GCNT1: variants seen among roughly 807,000 people sequenced by gnomAD.
GCNT1 encodes beta-1,3-galactosyl-O-glycosyl-glycoprotein beta-1,6-N-acetylglucosaminyltransferase.
A neutral mutation model predicts 26.2 loss-of-function variants in GCNT1; 16 were observed. That is an observed-to-expected ratio of 0.61 (90% confidence interval 0.41 to 0.93). GCNT1 has a LOEUF of 0.93. Ranked by LOEUF, GCNT1 falls within the 40% of genes least tolerant of loss-of-function variation. GCNT1 has a pLI of 0.00. For synonymous variants in GCNT1, 183 were observed against 190.8 expected (o/e 0.96, Z 0.34); for missense variants, 477 against 526.7 (o/e 0.91, Z 0.92).
At chr9:76,394,397 T>G in the GCNT1 span, 18 of 435,788 alleles carry the variant, frequency 4.1e-5, no homozygotes, top group Middle Eastern at 6.3e-4. Flanking sequence ...GCGTCTCCGC[T>G]GGAGGGCAGC....
intron 2 of GCNT1, among the ~76,000 whole-genome samples, chr9:76,475,543 T>A (rs1824234990): frequency 6.6e-6 from 1 of 152,158 alleles, no homozygotes; most frequent in South Asian, 2.1e-4. Context: ...TTTATTTTTA[T>A]TTTTTGAGTT....
intron 1 of GCNT1, among the ~76,000 whole-genome samples, chr9:76,452,170 T>C (rs1242995539): frequency 6.6e-6 from 1 of 152,112 alleles, no homozygotes; most frequent in Non-Finnish European, 1.5e-5. Flanking sequence ...GGTTTCACCA[T>C]GTTGGTCAGG....
chr9:76,482,540 C>A (rs35426412), intron 2 of GCNT1, among the ~76,000 whole-genome samples: 1 of 151,802 alleles, frequency 6.6e-6, no homozygotes, highest in African/African-American at 2.4e-5. Context: ...AGGAGAATGG[C>A]GTGAACCCAG....
rs904575721 is a variant in GCNT1 at position 76,432,467 on chromosome 9, G to A, written n.38+12580G>A. On this transcript the variant is annotated intron_variant and non_coding_transcript_variant, in intron 1 of 3. Coordinates refer to the GCNT1 transcript ENST00000488136. ...AAGCGGTCCCACCTCAGCCTCCAGA[G>A]TAGCAGGGACTACAGGCACGCAGCA... Among the ~76,000 whole-genome samples the A allele has an allele frequency of 2.6e-5, 4 of 151,734 alleles. No homozygotes were observed. The East Asian group carries it at 5.8e-4, about 22-fold the overall frequency.
At chr9:76,422,862 T>C (rs1031101708) in intron 1 of GCNT1, among the ~76,000 whole-genome samples, 1 of 152,300 alleles carries the variant, frequency 6.6e-6, no homozygotes, top group East Asian at 1.9e-4. Context: ...CTAACCATTA[T>C]TTTTTTCACT....
At chr9:76,442,877 TGGGAA>T (rs1823503337) in intron 1 of GCNT1, among the ~76,000 whole-genome samples, 1 of 151,880 alleles carries the variant, frequency 6.6e-6, no homozygotes, top group Non-Finnish European at 1.5e-5. Context: ...TTATAGATGT[TGGGAA>T]TATACTAAAG....
the GCNT1 span, among the ~76,000 whole-genome samples, chr9:76,413,668 G>C: frequency 1.2e-5 from 1 of 84,212 alleles, no homozygotes; most frequent in Non-Finnish European, 2.6e-5. Context: ...TTTTTTTTTT[G>C]TTTTTTTTTT....
At chr9:76,477,497 G>A (rs961666075) in intron 2 of GCNT1, among the ~76,000 whole-genome samples, 1 of 147,048 alleles carries the variant, frequency 6.8e-6, no homozygotes, top group Admixed American at 6.9e-5. Context: ...CTGCACTCTA[G>A]CCTGGGCGAC....
At chr9:76,395,044 G>A in the GCNT1 span, among the ~76,000 whole-genome samples, 1 of 152,178 alleles carries the variant, frequency 6.6e-6, no homozygotes, top group Non-Finnish European at 1.5e-5. Flanking sequence ...ACTAGTGGAA[G>A]GTTACCGACA....
upstream of GCNT1, among the ~76,000 whole-genome samples, chr9:76,436,745 C>T (rs1027335861): frequency 6.6e-6 from 1 of 152,052 alleles, no homozygotes; most frequent in Non-Finnish European, 1.5e-5. Flanking sequence ...ATAGGAGCAA[C>T]CTAACCTAAT....
chr9:76,446,971 A>G (rs1048332170), intron 1 of GCNT1, among the ~76,000 whole-genome samples: 2 of 151,894 alleles, frequency 1.3e-5, no homozygotes, highest in Non-Finnish European at 2.9e-5. Context: ...CGTGGCCAAC[A>G]TGGTGATACC....
intron 2 of GCNT1, among the ~76,000 whole-genome samples, chr9:76,491,258 T>G (rs2131630095): frequency 6.6e-6 from 1 of 152,268 alleles, no homozygotes; most frequent in East Asian, 1.9e-4. Context: ...TCTCTTTCCT[T>G]ACTGCTGGTC....
intron 2 of GCNT1, among the ~76,000 whole-genome samples, chr9:76,471,447 C>T (rs988723986): frequency 5.9e-5 from 9 of 152,206 alleles, no homozygotes; most frequent in Non-Finnish European, 1.3e-4. Flanking sequence ...CTGCCTGGGG[C>T]GCTTGACTTC....
At chr9:76,475,971 G>C (rs930860436) in intron 2 of GCNT1, among the ~76,000 whole-genome samples, 2 of 152,190 alleles carry the variant, frequency 1.3e-5, no homozygotes, top group South Asian at 2.1e-4. Flanking sequence ...ATTTCAAAGA[G>C]GGGCAATCAT....
chr9:76,417,910 T>A (rs1823146576), upstream of GCNT1, among the ~76,000 whole-genome samples: 1 of 152,096 alleles, frequency 6.6e-6, no homozygotes, highest in South Asian at 2.1e-4. Context: ...TGTTGAAAAT[T>A]GTTGATGAAA....
chr9:76,459,949 G>GT (rs1273159012), intron 1 of GCNT1, 111 bp from the exon 2 acceptor site: 2 of 152,138 alleles, frequency 1.3e-5, no homozygotes, highest in African/African-American at 4.8e-5. Flanking sequence ...CCCCTCCTAG[G>GT]TTTCTCTTTC....
intron 1 of GCNT1, among the ~76,000 whole-genome samples, chr9:76,426,843 G>A (rs576939617): frequency 1.1e-4 from 16 of 152,132 alleles, no homozygotes; most frequent in Admixed American, 5.9e-4. Context: ...CCTGGGAGGC[G>A]GAGGTTGCAG....
intron 2 of GCNT1, among the ~76,000 whole-genome samples, chr9:76,477,295 A>AG (rs200252707): frequency 0.028 from 4,172 of 149,284 alleles, 170 homozygotes; most frequent in African/African-American, 0.097. Context: ...TGGGAGGCCG[A>AG]GGCGGGTGGA....
At chr9:76,417,855 T>C (rs1823146173), upstream of GCNT1, among the ~76,000 whole-genome samples, 2 of 152,128 alleles carry the variant, frequency 1.3e-5, no homozygotes, top group African/African-American at 2.4e-5. Flanking sequence ...ACCTGTATGA[T>C]TGTAGAGGGG....
Sources: gnomAD v4.1 joint callset for allele counts (sites outside exome capture counted in the v4.1 genomes callset) on GRCh38, gnomAD v4.1.1 for gene constraint, MANE v1.5 for transcripts, NCBI Gene and HGNC (gene_info 2026-07-23, HGNC 2026-07-21) for gene names.